The following EPC2 variants were observed in gnomAD, a reference collection of about 807,000 sequenced individuals.
The protein encoded by EPC2 is enhancer of polycomb 2, also known as enhancer of polycomb homolog 2.
A neutral mutation model predicts 92.1 loss-of-function variants in EPC2; 14 were observed. The ratio of observed to expected loss-of-function variants is 0.15; its 90% CI spans 0.10 to 0.24. EPC2 has a LOEUF of 0.24. Among genes scored for constraint, EPC2 ranks in the 10% least tolerant of loss-of-function variants. EPC2 has a pLI of 1.00. For synonymous variants in EPC2, 340 were observed against 334.7 expected (o/e 1.02, Z -0.17); for missense variants, 755 against 971.5 (o/e 0.78, Z 2.96).
rs750016406 is a variant in EPC2, at chr2:148,784,811, C to G, written c.2161C>G (p.Pro721Ala). Residue 721 changes from proline to alanine, a missense_variant, in exon 13 of 14, where the codon CCC becomes GCC. Around this residue, in one of 4 missense-constraint regions of EPC2, gnomAD observed 207 missense variants for 260.5 expected, o/e 0.79. Transcript: ENST00000258484. ...ALCTSSPQTLPMNNSCLTNAV... is the reference protein window; with the variant it reads ...ALCTSSPQTLAMNNSCLTNAV... ...GTGCACAAGCAGTCCTCAGACACTT[C>G]CCATGAACAATTCCTGCCTGACAAA... is the stretch of plus-strand genomic sequence containing the variant. 1 of 1,613,872 alleles carries G rather than the reference C, an allele frequency of 6.2e-7. No homozygotes were observed. Among genetic ancestry groups the G allele is most frequent in the Non-Finnish European group, 8.5e-7 (1 of 1,179,884 alleles).
chr2:148,659,569 T>C (rs1292733552), intron 1 of EPC2, among the ~76,000 whole-genome samples: 2 of 152,092 alleles, frequency 1.3e-5, no homozygotes, highest in East Asian at 3.8e-4. Context: ...AATAATATTA[T>C]TACATTTAAG....
intron 10 of EPC2, among the ~76,000 whole-genome samples, chr2:148,776,630 C>G (rs977540365): frequency 2.0e-5 from 3 of 152,152 alleles, no homozygotes; most frequent in African/African-American, 4.8e-5. Flanking sequence ...GATGTAAGAT[C>G]CCTCTCTCTA....
intron 2 of EPC2, 49 bp downstream of exon 2, chr2:148,690,422 C>G: frequency 6.8e-7 from 1 of 1,478,240 alleles, no homozygotes. Context: ...AATTTATCAA[C>G]CAGTGGAAAT....
intron 2 of EPC2, among the ~76,000 whole-genome samples, chr2:148,698,046 A>C (rs976763595): frequency 6.6e-6 from 1 of 152,144 alleles, no homozygotes; most frequent in Non-Finnish European, 1.5e-5. Flanking sequence ...TAACAAACAA[A>C]AAAAAAAAGG....
intron 2 of EPC2, among the ~76,000 whole-genome samples, chr2:148,742,723 A>G (rs1185846412): frequency 1.3e-5 from 2 of 151,508 alleles, no homozygotes; most frequent in Non-Finnish European, 2.9e-5. Context: ...CAGAGATTGC[A>G]GTGAGCAAGA....
At position 148,714,522 on chromosome 2, in the gene EPC2, C is replaced by G. The variant is rs984938941; in HGVS notation, c.313+24149C>G. ...CACAATGGTTGAACTAATTTACACT[C>G]CCACCAACAGTGTAAAAGCGTTCCT... On this transcript the variant is annotated intron_variant, in intron 2 of 13. Transcript: ENST00000258484. Among the ~76,000 whole-genome samples the G allele has an allele frequency of 4.6e-5, 7 of 152,330 alleles. No individual in the cohort carries two copies. In the Middle Eastern group the frequency reaches 0.01, roughly 222 times the overall value.
In EPC2 at chr2:148,658,607, G is replaced by GTGTATATA. The variant is rs1168257662; in HGVS notation, c.153+13438_153+13439insGTATATAT. ...ATGAAGATTAGCTGTGTGTGTGTGT[G>GTGTATATA]TATATATATATATATATATATATAT... On this transcript the variant is annotated intron_variant, in intron 1 of 13. Transcript: ENST00000258484. Among the ~76,000 whole-genome samples, 239 of 141,298 alleles carry GTGTATATA rather than the reference G, an allele frequency of 1.7e-3. 1 individual carries two copies. The highest frequency in any genetic ancestry group is 6.1e-3 in the East Asian group (28 of 4,574). 92.7% of individuals were successfully genotyped at this position (141,298 alleles called of 152,430 possible).
At chr2:148,663,591 G>GTT (rs1680991692) in intron 1 of EPC2, among the ~76,000 whole-genome samples, 1 of 97,824 alleles carries the variant, frequency 1.0e-5, no homozygotes, top group African/African-American at 4.1e-5. Flanking sequence ...TATAGATTAA[G>GTT]ATTTTTTTTT....
chr2:148,698,754 A>G (rs1206218966), intron 2 of EPC2, among the ~76,000 whole-genome samples: 1 of 141,642 alleles, frequency 7.1e-6, no homozygotes, highest in Non-Finnish European at 1.5e-5. Context: ...GAAAAGTAAA[A>G]TGTTAATTGT....
chr2:148,757,650 C>A (rs971701921), intron 4 of EPC2, among the ~76,000 whole-genome samples: 4 of 151,890 alleles, frequency 2.6e-5, no homozygotes, highest in Non-Finnish European at 1.5e-5. Flanking sequence ...CCAGCCTGAC[C>A]AACGTGGAGA....
At chr2:148,765,224 TAG>T in intron 7 of EPC2, 78 bp downstream of exon 7, 1 of 1,063,374 alleles carries the variant, frequency 9.4e-7, no homozygotes, top group Non-Finnish European at 1.3e-6. Context: ...ATTGCTATCT[TAG>T]AGTTTTTATT....
intron 2 of EPC2, among the ~76,000 whole-genome samples, chr2:148,734,083 ATTAC>A (rs1359371324): frequency 1.3e-5 from 2 of 152,162 alleles, no homozygotes; most frequent in Non-Finnish European, 2.9e-5. Flanking sequence ...CTGGTTGTTT[ATTAC>A]TTCTTTTTTG....
At chr2:148,662,317 G>A (rs1006358373) in intron 1 of EPC2, among the ~76,000 whole-genome samples, 1 of 152,134 alleles carries the variant, frequency 6.6e-6, no homozygotes, top group Admixed American at 6.5e-5. Flanking sequence ...CCATTACTGG[G>A]TATATACCCA....
At chr2:148,733,479 A>ATTTTT (rs34219179) in intron 2 of EPC2, among the ~76,000 whole-genome samples, 36 of 26,678 alleles carry the variant, frequency 1.3e-3, no homozygotes, top group Non-Finnish European at 2.2e-3. Context: ...CTCTCTCTGG[A>ATTTTT]TTTTTTTTTT....
chr2:148,644,910 G>A lies in EPC2; in HGVS notation c.-108G>A. 1 of 981,720 alleles carries A rather than the reference G, an allele frequency of 1.0e-6. No homozygotes were observed. The highest frequency in any genetic ancestry group is 1.5e-6 in the Non-Finnish European group (1 of 664,108). The allele number at this position is 981,720 out of a possible 1,614,324, so 60.8% of individuals were successfully genotyped here. A position where few individuals can be genotyped will look rare whatever the true frequency, so the allele number is the denominator to read the frequency against. On this transcript the variant is annotated 5_prime_UTR_variant, in exon 1 of 14. Coordinates refer to ENST00000258484, the MANE Select transcript of EPC2 (RefSeq NM_015630.4). The stretch of plus-strand genomic sequence containing the variant: ...CAGTGAGGAGGAGGAGGAGCGGGCC[G>A]GCCGCGCTGCACTGAGGAAGGAGGT...
intron 1 of EPC2, among the ~76,000 whole-genome samples, chr2:148,666,333 A>C (rs577323423): frequency 2.4e-4 from 37 of 152,048 alleles, no homozygotes; most frequent in Non-Finnish European, 4.6e-4. Context: ...TGTAGAGATG[A>C]GGGTCTTGCT....
intron 1 of EPC2, among the ~76,000 whole-genome samples, chr2:148,688,056 C>T (rs1279489989): frequency 6.6e-6 from 1 of 152,174 alleles, no homozygotes; most frequent in African/African-American, 2.4e-5. Context: ...TAACATTTCA[C>T]ATACCCTAAA....
intron 2 of EPC2, among the ~76,000 whole-genome samples, chr2:148,728,741 T>G (rs1354347680): frequency 6.6e-6 from 1 of 151,156 alleles, no homozygotes; most frequent in Non-Finnish European, 1.5e-5. Flanking sequence ...TTTTTTTTTT[T>G]TTAAAAAAAG....
intron 2 of EPC2, among the ~76,000 whole-genome samples, chr2:148,712,784 G>A (rs1387366902): frequency 1.3e-5 from 2 of 152,088 alleles, no homozygotes; most frequent in African/African-American, 4.8e-5. Context: ...CCAGTAGGCC[G>A]AGGCAGGAGG....
Sources: gnomAD v4.1 joint callset for allele counts (sites outside exome capture counted in the v4.1 genomes callset) on GRCh38, gnomAD v4.1.1 for gene constraint, gnomAD v4.1.1 regional missense constraint, MANE v1.5 for transcripts, NCBI Gene and HGNC (gene_info 2026-07-23, HGNC 2026-07-21) for gene names.